Variants in CTDP1 observed in about 807,000 individuals in gnomAD.
CTDP1 encodes CTD phosphatase 1.
A neutral mutation model predicts 91.8 loss-of-function variants in CTDP1; 47 were observed. The observed-to-expected ratio is 0.51, with a 90% confidence interval of 0.41 to 0.65. The LOEUF (loss-of-function observed/expected upper bound fraction) is 0.65, where lower values mean the gene tolerates loss of function less well. Among genes scored for constraint, CTDP1 ranks in the 30% least tolerant of loss-of-function variants. The probability of loss-of-function intolerance (pLI) is 0.00; values close to 1 mark genes in which losing one functional copy is unlikely to be tolerated. For synonymous variants in CTDP1, 656 were observed against 598.5 expected (o/e 1.10, Z -1.40); for missense variants, 1,272 against 1,373.7 (o/e 0.93, Z 1.17).
chr18:79,693,981 T>A (rs572817321), intron 1 of CTDP1, among the ~76,000 whole-genome samples: 1 of 152,264 alleles, frequency 6.6e-6, no homozygotes, highest in South Asian at 2.1e-4. Context: ...AGGATGTGGC[T>A]CCGCCTTGTT....
At chr18:79,744,483 G>A (rs2086839726) in intron 12 of CTDP1, among the ~76,000 whole-genome samples, 4 of 152,244 alleles carry the variant, frequency 2.6e-5, no homozygotes, top group South Asian at 4.1e-4. Flanking sequence ...CGGTGTGAAC[G>A]TGAGGGGATT....
intron 4 of CTDP1, among the ~76,000 whole-genome samples, chr18:79,701,534 TAA>T (rs2085858228): frequency 5.7e-4 from 1 of 1,764 alleles, no homozygotes; most frequent in Non-Finnish European, 5.9e-3. Flanking sequence ...ATAAATTAAA[TAA>T]ATAAATAAAT....
intron 1 of CTDP1, among the ~76,000 whole-genome samples, chr18:79,690,721 A>G (rs2085602790): frequency 6.6e-6 from 1 of 152,202 alleles, no homozygotes; most frequent in African/African-American, 2.4e-5. Context: ...GGCTGGGAGC[A>G]TCCTGCATGC....
At chr18:79,717,221 G>C (rs1213649313) in intron 8 of CTDP1, among the ~76,000 whole-genome samples, 2 of 148,144 alleles carry the variant, frequency 1.4e-5, no homozygotes, top group Non-Finnish European at 3.0e-5. Flanking sequence ...CCCTGGTGGG[G>C]TGCAGCCGAG....
chr18:79,737,771 T>C (rs2086696071), intron 12 of CTDP1, among the ~76,000 whole-genome samples: 1 of 152,124 alleles, frequency 6.6e-6, no homozygotes, highest in South Asian at 2.1e-4. Flanking sequence ...CTGCGTCTCT[T>C]CTTGCCTCCG....
At chr18:79,702,885 G>A (rs2085889441) in intron 4 of CTDP1, 1 of 152,388 alleles carries the variant, frequency 6.6e-6, no homozygotes, top group Non-Finnish European at 1.5e-5. Context: ...TCAGTTGTGT[G>A]GTCTGGAAGG....
chr18:79,745,328 C>A, intron 12 of CTDP1, among the ~76,000 whole-genome samples: 1 of 105,936 alleles, frequency 9.4e-6, no homozygotes, highest in Non-Finnish European at 1.9e-5. Context: ...TGCGTCCCTC[C>A]CGTGCGCGTT....
chr18:79,749,152 TC>T (rs2086942075), intron 12 of CTDP1, among the ~76,000 whole-genome samples: 1 of 152,328 alleles, frequency 6.6e-6, no homozygotes, highest in African/African-American at 2.4e-5. Flanking sequence ...TTCTTTGCCA[TC>T]CTCTTGCTGC....
intron 11 of CTDP1, among the ~76,000 whole-genome samples, chr18:79,735,390 G>A (rs1000992328): frequency 8.5e-5 from 13 of 152,364 alleles, no homozygotes; most frequent in East Asian, 5.8e-4. Context: ...GCACACAGAC[G>A]CCCTCAACGT....
intron 4 of CTDP1, among the ~76,000 whole-genome samples, chr18:79,701,168 G>A (rs1344884703): frequency 1.3e-5 from 2 of 152,152 alleles, no homozygotes; most frequent in African/African-American, 4.8e-5. Context: ...CCACCCTGCA[G>A]CCCAGGGCTC....
chr18:79,710,574 G>A, intron 6 of CTDP1, 138 bp downstream of exon 6: 1 of 675,432 alleles, frequency 1.5e-6, no homozygotes, highest in East Asian at 3.0e-5. Context: ...AGGCTAGAGT[G>A]CAGTGGCGCG....
In CTDP1 at chr18:79,716,866, C is replaced by T. The variant is rs60620892; in HGVS notation, c.2069-669C>T. 4.9e-3 allele frequency among the ~76,000 whole-genome samples: 752 copies of T among 152,356 alleles called. 7 individuals are homozygous for T. The highest frequency in any genetic ancestry group is 0.017 in the African/African-American group (725 of 41,572). On this transcript the variant is annotated intron_variant, in intron 8 of 12. Coordinates refer to ENST00000613122, the MANE Select transcript of CTDP1 (RefSeq NM_004715.5). The stretch of plus-strand genomic sequence containing the variant: ...AGGTCCTCCTGCTGCTCAGGTCACC[C>T]GCTGTGCCCGGCTCCCCGTCTGAGA...
At chr18:79,742,325 C>A (rs1427752034) in intron 12 of CTDP1, among the ~76,000 whole-genome samples, 2 of 151,812 alleles carry the variant, frequency 1.3e-5, no homozygotes, top group Non-Finnish European at 2.9e-5. Flanking sequence ...ATGAGGCGTC[C>A]ATGGGAGAGA....
At chr18:79,716,073 T>A (rs8082885) in intron 8 of CTDP1, among the ~76,000 whole-genome samples, 1 of 152,096 alleles carries the variant, frequency 6.6e-6, no homozygotes, top group African/African-American at 2.4e-5. Context: ...TAGGTGATTC[T>A]TGAAGGAAGA....
chr18:79,711,014 C>T (rs796526630), intron 6 of CTDP1, among the ~76,000 whole-genome samples: 7 of 152,226 alleles, frequency 4.6e-5, no homozygotes, highest in African/African-American at 1.7e-4. Flanking sequence ...AGGCTCTGCC[C>T]CATCCCAATA....
intron 10 of CTDP1, among the ~76,000 whole-genome samples, chr18:79,725,673 G>A (rs968017254): frequency 3.9e-5 from 6 of 151,962 alleles, no homozygotes; most frequent in African/African-American, 7.2e-5. Context: ...TCCTGCTTCC[G>A]TCCTCACGGG....
At chr18:79,752,202 C>T (rs2087016600) in intron 12 of CTDP1, among the ~76,000 whole-genome samples, 1 of 152,118 alleles carries the variant, frequency 6.6e-6, no homozygotes, top group Non-Finnish European at 1.5e-5. Flanking sequence ...GTGGCACTGG[C>T]TGGTTATGCA....
intron 4 of CTDP1, 140 bp downstream of exon 4, chr18:79,698,128 G>T: frequency 7.8e-7 from 1 of 1,289,884 alleles, no homozygotes; most frequent in Non-Finnish European, 1.1e-6. Flanking sequence ...CTAGTTCTGG[G>T]CGTGGGCCGT....
At chr18:79,734,212 G>A (rs1016894148) in intron 11 of CTDP1, among the ~76,000 whole-genome samples, 5 of 152,240 alleles carry the variant, frequency 3.3e-5, no homozygotes, top group South Asian at 4.1e-4. Context: ...TGGGCCGGGT[G>A]TGCTGACACG....
Sources: gnomAD v4.1 joint callset for allele counts (sites outside exome capture counted in the v4.1 genomes callset) on GRCh38, gnomAD v4.1.1 for gene constraint, MANE v1.5 for transcripts, NCBI Gene and HGNC (gene_info 2026-07-23, HGNC 2026-07-21) for gene names.